The following CDH4 variants were observed in gnomAD, a reference collection of about 807,000 sequenced individuals.
CDH4 encodes cadherin-4.
In CDH4, 33 loss-of-function variants were observed where a neutral mutation model predicts 86.0. The observed-to-expected ratio is 0.38, with a 90% CI of 0.29 to 0.51. CDH4 has a LOEUF of 0.51. Ranked by LOEUF, CDH4 falls within the 20% of genes least tolerant of loss-of-function variation. The pLI is 0.86. For synonymous variants in CDH4, 555 were observed against 549.4 expected (o/e 1.01, Z -0.14); for missense variants, 1,114 against 1,307.4 (o/e 0.85, Z 2.28).
At chr20:61,456,282 T>C (rs1353286563) in intron 2 of CDH4, among the ~76,000 whole-genome samples, 1 of 152,234 alleles carries the variant, frequency 6.6e-6, no homozygotes, top group Non-Finnish European at 1.5e-5. Context: ...AAATAGAATG[T>C]GTTGGCAACA....
chr20:61,882,651 C>A (rs796238837), intron 7 of CDH4, among the ~76,000 whole-genome samples: 1 of 152,062 alleles, frequency 6.6e-6, no homozygotes, highest in Non-Finnish European at 1.5e-5. Context: ...TCACTGTGTG[C>A]GGCTGTTTTC....
intron 2 of CDH4, among the ~76,000 whole-genome samples, chr20:61,735,636 T>G (rs1310542749): frequency 1.3e-5 from 2 of 152,148 alleles, no homozygotes; most frequent in African/African-American, 4.8e-5. Context: ...ATCTGCCCCC[T>G]CCGCTGGACC....
chr20:61,338,781 T>C (rs939100681), intron 2 of CDH4, among the ~76,000 whole-genome samples: 3 of 152,190 alleles, frequency 2.0e-5, no homozygotes, highest in Non-Finnish European at 4.4e-5. Context: ...TGTTGAACTA[T>C]CCTCAGGGCG....
intron 9 of CDH4, among the ~76,000 whole-genome samples, chr20:61,914,115 A>G (rs2054880439): frequency 6.6e-6 from 1 of 152,222 alleles, no homozygotes. Context: ...CAGCCAGTCA[A>G]CATCAGTGGC....
At chr20:61,852,355 A>G (rs948856448) in intron 5 of CDH4, among the ~76,000 whole-genome samples, 1 of 152,238 alleles carries the variant, frequency 6.6e-6, no homozygotes, top group African/African-American at 2.4e-5. Flanking sequence ...CCAATTAGGC[A>G]CAAATGTCTT....
intron 4 of CDH4, among the ~76,000 whole-genome samples, chr20:61,831,234 G>A (rs999858411): frequency 5.9e-5 from 9 of 152,220 alleles, no homozygotes; most frequent in African/African-American, 2.2e-4. Flanking sequence ...CTGCACTTGA[G>A]GATAAATAAA....
intron 4 of CDH4, among the ~76,000 whole-genome samples, chr20:61,834,272 T>C (rs1289615915): frequency 6.6e-6 from 1 of 152,148 alleles, no homozygotes; most frequent in Non-Finnish European, 1.5e-5. Flanking sequence ...TTGCCCCCCC[T>C]CACTCAGCTG....
intron 2 of CDH4, among the ~76,000 whole-genome samples, chr20:61,503,567 C>G (rs1026902622): frequency 6.6e-6 from 1 of 152,098 alleles, no homozygotes; most frequent in Admixed American, 6.5e-5. Context: ...CTCCTCAAGT[C>G]TCACAGAAGG....
At chr20:61,304,136 G>A (rs978622800) in intron 2 of CDH4, among the ~76,000 whole-genome samples, 1 of 152,198 alleles carries the variant, frequency 6.6e-6, no homozygotes, top group African/African-American at 2.4e-5. Flanking sequence ...CTCAGCTGCA[G>A]ATCAGGAAAC....
At chr20:61,325,244 C>T (rs914564976) in intron 2 of CDH4, among the ~76,000 whole-genome samples, 12 of 150,334 alleles carry the variant, frequency 8.0e-5, no homozygotes, top group African/African-American at 2.9e-4. Flanking sequence ...AAAGTCTTGG[C>T]TTTTAAAGTC....
intron 2 of CDH4, among the ~76,000 whole-genome samples, chr20:61,704,573 C>T (rs1035068821): frequency 1.1e-4 from 17 of 152,182 alleles, no homozygotes; most frequent in African/African-American, 1.9e-4. Flanking sequence ...GTGGCCACAG[C>T]GTGCAGTAGG....
intron 12 of CDH4, 47 bp downstream of exon 12, chr20:61,928,470 C>T: frequency 6.4e-7 from 1 of 1,551,006 alleles, no homozygotes; most frequent in East Asian, 2.2e-5. Context: ...GCCTGGGGTG[C>T]AGGCCCCTGG....
chr20:61,443,067 C>T (rs543466890), intron 2 of CDH4, among the ~76,000 whole-genome samples: 8 of 152,328 alleles, frequency 5.3e-5, no homozygotes, highest in Admixed American at 2.0e-4. Flanking sequence ...GATTGAGAAC[C>T]GCTGCCTAGG....
Position 61,927,951 on chromosome 20 carries a change from G to A in CDH4, c.1772-239G>A, listed in dbSNP as rs376091140. ...TGCCGTGTCTGTTGAGGTGCCGTAC[G>A]CAGTGGTGTGGCTGCCCATGGCGTG... On this transcript the variant is annotated intron_variant, in intron 11 of 15. Coordinates refer to ENST00000614565, the MANE Select transcript of CDH4 (RefSeq NM_001794.5). 3.9e-5 allele frequency among the ~76,000 whole-genome samples: 6 copies of A among 152,214 alleles called. No individual in the cohort carries two copies. In the South Asian group the frequency reaches 8.3e-4, roughly 21 times the overall value.
At chr20:61,592,238 AG>A (rs1194943200) in intron 2 of CDH4, among the ~76,000 whole-genome samples, 1 of 152,214 alleles carries the variant, frequency 6.6e-6, no homozygotes, top group Non-Finnish European at 1.5e-5. Flanking sequence ...CAAGAAGTCA[AG>A]ACTTGGTACA....
chr20:61,375,941 T>C (rs1210255084), intron 2 of CDH4, among the ~76,000 whole-genome samples: 5 of 4,094 alleles, frequency 1.2e-3, no homozygotes, highest in Non-Finnish European at 2.8e-3. Flanking sequence ...ATGATGGTGG[T>C]GCTGGTGGTG....
At chr20:61,395,130 T>A (rs902418992) in intron 2 of CDH4, among the ~76,000 whole-genome samples, 2 of 151,566 alleles carry the variant, frequency 1.3e-5, no homozygotes, top group Non-Finnish European at 2.9e-5. Context: ...AGATGCACCT[T>A]CAGCCTCTCT....
At chr20:61,776,453 C>A (rs577265783) in intron 4 of CDH4, among the ~76,000 whole-genome samples, 1 of 152,324 alleles carries the variant, frequency 6.6e-6, no homozygotes, top group Admixed American at 6.5e-5. Flanking sequence ...CATCTCCGAC[C>A]CAGGAAGTGG....
chr20:61,522,470 CTTT>C (rs1326491532), intron 2 of CDH4, among the ~76,000 whole-genome samples: 1 of 152,236 alleles, frequency 6.6e-6, no homozygotes, highest in East Asian at 1.9e-4. Context: ...TTAATTCAAT[CTTT>C]TTCAATATCA....
Sources: gnomAD v4.1 joint callset for allele counts (sites outside exome capture counted in the v4.1 genomes callset) on GRCh38, gnomAD v4.1.1 for gene constraint, MANE v1.5 for transcripts, NCBI Gene and HGNC (gene_info 2026-07-23, HGNC 2026-07-21) for gene names.